CSMD3: variants seen among roughly 807,000 people sequenced by gnomAD.
The protein encoded by CSMD3 is CUB and Sushi multiple domains 3, also known as CUB and sushi domain-containing protein 3.
In CSMD3, 177 loss-of-function variants were observed where a neutral mutation model predicts 435.2. That is an observed-to-expected ratio of 0.41 (90% CI 0.36 to 0.46). CSMD3 has a LOEUF of 0.46. CSMD3 is among the 20% of genes least tolerant of loss of function. CSMD3 has a pLI of 0.34. For missense variants in CSMD3, 4,265 were observed against 4,504.6 expected (o/e 0.95, Z 1.52); for synonymous variants, 1,656 against 1,520.5 (o/e 1.09, Z -2.07).
At chr8:113,406,945 G>A (rs1463493265) in intron 1 of CSMD3, among the ~76,000 whole-genome samples, 2 of 152,042 alleles carry the variant, frequency 1.3e-5, no homozygotes, top group Admixed American at 6.6e-5. Flanking sequence ...GGTCTCTGAT[G>A]TAACACAATA....
chr8:113,043,017 C>T lies in CSMD3; in HGVS notation c.918-23838G>A, dbSNP rs910514197. 1.9e-4 allele frequency among the ~76,000 whole-genome samples: 29 copies of T among 152,236 alleles called. 1 individual carries two copies. The highest frequency in any genetic ancestry group is 6.7e-4 in the African/African-American group (28 of 41,548). Reference sequence around the variant, plus strand: ...AGACCAGATCCTCAACATATATAAACAAAATTATTATAATAGCATCCTAAC... The same window carrying T: ...AGACCAGATCCTCAACATATATAAATAAAATTATTATAATAGCATCCTAAC... On this transcript the variant is annotated intron_variant, in intron 5 of 70. Transcript: ENST00000297405.
chr8:113,055,876 C>A (rs2131344769), intron 5 of CSMD3, among the ~76,000 whole-genome samples: 1 of 152,178 alleles, frequency 6.6e-6, no homozygotes, highest in African/African-American at 2.4e-5. Context: ...GAAGATGAAC[C>A]TTCTCAAGTA....
chr8:112,534,328 A>C (rs1016106737), intron 27 of CSMD3, among the ~76,000 whole-genome samples: 6 of 152,324 alleles, frequency 3.9e-5, no homozygotes, highest in African/African-American at 1.4e-4. Flanking sequence ...ACAATAAAAA[A>C]TGATAAAGGG....
At chr8:112,830,971 T>C (rs755149884) in intron 11 of CSMD3, among the ~76,000 whole-genome samples, 4 of 151,998 alleles carry the variant, frequency 2.6e-5, no homozygotes, top group Non-Finnish European at 5.9e-5. Context: ...GTATTTTTAA[T>C]AGAGACGGGG....
At chr8:113,407,612 C>T in intron 1 of CSMD3, among the ~76,000 whole-genome samples, 1 of 151,704 alleles carries the variant, frequency 6.6e-6, no homozygotes, top group Non-Finnish European at 1.5e-5. Context: ...AGGGGGGTTG[C>T]CCTGGTTTGT....
intron 38 of CSMD3, among the ~76,000 whole-genome samples, chr8:112,365,378 G>C (rs1170189301): frequency 6.6e-6 from 1 of 150,980 alleles, no homozygotes; most frequent in Non-Finnish European, 1.5e-5. Flanking sequence ...AAACAATTAG[G>C]GTGAAGACAC....
chr8:112,648,815 C>T (rs762046762), intron 19 of CSMD3, among the ~76,000 whole-genome samples: 70 of 152,122 alleles, frequency 4.6e-4, no homozygotes, highest in Non-Finnish European at 8.1e-4. Flanking sequence ...TTATTAGGGT[C>T]TGGCAAACAT....
At chr8:112,389,703 A>G (rs1264781675) in intron 36 of CSMD3, among the ~76,000 whole-genome samples, 2 of 152,170 alleles carry the variant, frequency 1.3e-5, no homozygotes, top group Admixed American at 6.5e-5. Context: ...CAACTCTTAT[A>G]TGTCTCAAGT....
intron 16 of CSMD3, among the ~76,000 whole-genome samples, chr8:112,680,286 C>A (rs112845557): frequency 0.019 from 2,926 of 152,118 alleles, 54 homozygotes; most frequent in Middle Eastern, 0.048. Context: ...TGAACCCGGG[C>A]GGCGGAGGTT....
chr8:112,444,494 G>A (rs534763589), intron 32 of CSMD3, among the ~76,000 whole-genome samples: 29 of 152,254 alleles, frequency 1.9e-4, no homozygotes, highest in African/African-American at 6.5e-4. Flanking sequence ...ATGCCCTATG[G>A]TGCATACAAT....
At chr8:112,290,983 A>G (rs890742242) in intron 56 of CSMD3, among the ~76,000 whole-genome samples, 4 of 152,056 alleles carry the variant, frequency 2.6e-5, no homozygotes, top group Non-Finnish European at 5.9e-5. Context: ...CTATCATAAC[A>G]TATAACAAAA....
intron 11 of CSMD3, among the ~76,000 whole-genome samples, chr8:112,836,804 A>G (rs1457635981): frequency 6.6e-6 from 1 of 151,808 alleles, no homozygotes; most frequent in African/African-American, 2.4e-5. Context: ...TCCCATATGT[A>G]AACTGAAGAC....
intron 9 of CSMD3, among the ~76,000 whole-genome samples, chr8:112,929,169 T>C (rs1756754734): frequency 1.4e-5 from 2 of 140,726 alleles, no homozygotes; most frequent in African/African-American, 5.3e-5. Context: ...TTGAGTTCAT[T>C]GTAGATTCTG....
intron 10 of CSMD3, among the ~76,000 whole-genome samples, chr8:112,861,227 T>A (rs1414132165): frequency 6.6e-6 from 1 of 151,830 alleles, no homozygotes; most frequent in Non-Finnish European, 1.5e-5. Context: ...GACTCCAACT[T>A]CTCTATTACA....
intron 66 of CSMD3, among the ~76,000 whole-genome samples, chr8:112,239,019 CAAT>C (rs1813858872): frequency 6.6e-6 from 1 of 152,032 alleles, no homozygotes; most frequent in African/African-American, 2.4e-5. Context: ...GCACCTGTAA[CAAT>C]AGCTGAGCCT....
chr8:113,269,785 T>C (rs2093504702), intron 3 of CSMD3, among the ~76,000 whole-genome samples: 1 of 152,116 alleles, frequency 6.6e-6, no homozygotes, highest in Non-Finnish European at 1.5e-5. Flanking sequence ...ACTGGATCCC[T>C]TCCTTACACC....
intron 32 of CSMD3, among the ~76,000 whole-genome samples, chr8:112,445,866 G>T (rs1815543239): frequency 6.6e-6 from 1 of 151,962 alleles, no homozygotes; most frequent in Admixed American, 6.6e-5. Flanking sequence ...AATTCCTTCT[G>T]TATACCACAA....
intron 52 of CSMD3, 116 bp from the exon 53 acceptor site, chr8:112,302,082 T>C (rs1373410038): frequency 9.4e-6 from 7 of 743,230 alleles, no homozygotes; most frequent in East Asian, 2.7e-5. Context: ...ACAAAGGAAA[T>C]TGGCATTTGT....
intron 63 of CSMD3, among the ~76,000 whole-genome samples, chr8:112,251,851 T>C (rs1456687572): frequency 1.3e-5 from 2 of 151,920 alleles, no homozygotes; most frequent in Non-Finnish European, 2.9e-5. Context: ...TTAATCCTGA[T>C]GTTGCATCAA....
Sources: gnomAD v4.1 joint callset for allele counts (sites outside exome capture counted in the v4.1 genomes callset) on GRCh38, gnomAD v4.1.1 for gene constraint, MANE v1.5 for transcripts, NCBI Gene and HGNC (gene_info 2026-07-23, HGNC 2026-07-21) for gene names.